DDX19A: variants seen among roughly 807,000 people sequenced by gnomAD.
The protein encoded by DDX19A is DEAD-box helicase 19A, also known as ATP-dependent RNA helicase DDX19A.
DDX19A carries 12 observed loss-of-function variants against 60.6 expected under a neutral mutation model. That is an observed-to-expected ratio of 0.20 (90% CI 0.13 to 0.32). The LOEUF is 0.32. Ranked by LOEUF, DDX19A falls within the 10% of genes least tolerant of loss-of-function variation. The probability of loss-of-function intolerance (pLI) is 1.00; values close to 1 mark genes in which losing one functional copy is unlikely to be tolerated. For missense variants in DDX19A, 337 were observed against 600.6 expected (o/e 0.56, Z 4.59); for synonymous variants, 206 against 218.2 (o/e 0.94, Z 0.49).
rs182095688 is a variant in DDX19A, at chr16:70,371,296, T to C, written c.1184-76T>C. ...CCCTCTATCCCAAAGTTGGTACGCA[T>C]TGACCTACCTATGGATGACAGTGAT... On this transcript the variant is annotated intron_variant, in intron 10 of 11. Transcript: ENST00000302243. The C allele has an allele frequency of 2.5e-3, 4,104 of 1,613,774 alleles. 9 individuals carry two copies. The highest frequency in any genetic ancestry group is 3.1e-3 in the Non-Finnish European group (3,626 of 1,179,734).
chr16:70,348,528 G>C (rs1401405464), intron 1 of DDX19A, among the ~76,000 whole-genome samples: 1 of 151,396 alleles, frequency 6.6e-6, no homozygotes, highest in African/African-American at 2.4e-5. Flanking sequence ...TCAGGAGGCT[G>C]AGGCATGAGA....
Position 70,364,637 on chromosome 16 carries a change from T to C in DDX19A, c.481T>C (p.Tyr161His). Residue 161 changes from tyrosine (Y) to histidine (H), a missense_variant, in exon 6 of 12, where the codon TAC (tyrosine) becomes CAC (histidine). Transcript: ENST00000302243. The stretch of plus-strand genomic sequence containing the variant: ...CAGCCGAGTGGAGCCATCAGACAGA[T>C]ACCCCCAGGTGAGGGCTTGCGGGGC... ...MLSRVEPSDR[Y>H]PQCLCLSPTY... The C allele has an allele frequency of 6.2e-7, 1 of 1,613,968 alleles. No individual in the cohort carries two copies. Among genetic ancestry groups the C allele is most frequent in the Non-Finnish European group, 8.5e-7 (1 of 1,179,846 alleles).
At chr16:70,353,351 G>A (rs890938460) in intron 2 of DDX19A, among the ~76,000 whole-genome samples, 2 of 151,618 alleles carry the variant, frequency 1.3e-5, no homozygotes, top group Non-Finnish European at 2.9e-5. Context: ...CTGAGCTCAG[G>A]CAATCCGCTC....
chr16:70,361,384 T>C, intron 4 of DDX19A, 34 bp from the exon 5 acceptor site: 1 of 1,479,996 alleles, frequency 6.8e-7, no homozygotes. Flanking sequence ...TTCTAACTTC[T>C]AGGCATCCAT....
intron 10 of DDX19A, chr16:70,371,110 G>T: frequency 1.6e-6 from 1 of 609,372 alleles, no homozygotes; most frequent in Non-Finnish European, 2.9e-6. Flanking sequence ...ACTCTTCCAG[G>T]GGCGCCCATC....
chr16:70,364,512 T>C, intron 5 of DDX19A, 31 bp from the exon 6 acceptor site: 1 of 1,525,968 alleles, frequency 6.6e-7, no homozygotes, highest in Non-Finnish European at 9.1e-7. Context: ...TTCACCAATT[T>C]AAGTTTCATT....
At chr16:70,353,307 G>T (rs1459803512) in intron 2 of DDX19A, among the ~76,000 whole-genome samples, 1 of 151,856 alleles carries the variant, frequency 6.6e-6, no homozygotes, top group Non-Finnish European at 1.5e-5. Flanking sequence ...TAGAGACAGG[G>T]TTTCACCGTA....
intron 2 of DDX19A, among the ~76,000 whole-genome samples, chr16:70,351,377 T>C (rs1327601063): frequency 2.0e-5 from 3 of 151,428 alleles, no homozygotes; most frequent in Non-Finnish European, 4.4e-5. Flanking sequence ...GGCTAATTTT[T>C]TATATTTTTA....
chr16:70,371,709 G>A (rs1964693629), intron 11 of DDX19A, 146 bp downstream of exon 11: 5 of 1,181,128 alleles, frequency 4.2e-6, no homozygotes, highest in Non-Finnish European at 5.9e-6. Flanking sequence ...TTCTCAGGGA[G>A]CACACCTGGA....
intron 4 of DDX19A, among the ~76,000 whole-genome samples, chr16:70,358,956 TGTG>T (rs1320959724): frequency 6.6e-6 from 1 of 152,230 alleles, no homozygotes; most frequent in Non-Finnish European, 1.5e-5. Context: ...CAGCTAGACA[TGTG>T]GTATGATTTC....
intron 2 of DDX19A, among the ~76,000 whole-genome samples, chr16:70,353,091 G>C (rs1176976109): frequency 1.3e-5 from 2 of 151,688 alleles, no homozygotes; most frequent in Admixed American, 6.6e-5. Context: ...GGATTTGCTA[G>C]GTCAAAGGTA....
In DDX19A at chr16:70,356,258, G is replaced by A. The variant is rs766456844; in HGVS notation, c.293+11G>A. ...TGAAGAGCTTCGGCTGTGAGTATTC[G>A]CTCCTTTCAACAGCTCTTCGTTGCC... On this transcript the variant is annotated intron_variant, in intron 4 of 11. Coordinates refer to ENST00000302243, the MANE Select transcript of DDX19A (RefSeq NM_018332.5). 14 of 1,613,940 alleles carry A rather than the reference G, an allele frequency of 8.7e-6. 1 individual carries two copies. The highest frequency in any genetic ancestry group is 6.6e-5 in the South Asian group (6 of 91,084).
intron 2 of DDX19A, among the ~76,000 whole-genome samples, chr16:70,353,828 G>T (rs1426996471): frequency 1.3e-5 from 2 of 151,654 alleles, no homozygotes; most frequent in African/African-American, 4.8e-5. Flanking sequence ...TTGAACCTGG[G>T]GGGCAAAGGT....
chr16:70,347,139 C>T lies in DDX19A; in HGVS notation c.57+91C>T, dbSNP rs538341536. 155 of 1,284,240 alleles carry T rather than the reference C, an allele frequency of 1.2e-4. 3 individuals carry two copies. In the South Asian group the frequency reaches 1.9e-3, roughly 16 times the overall value. The allele number at this position is 1,284,240 out of a possible 1,614,324, so 79.6% of individuals were successfully genotyped here. On this transcript the variant is annotated intron_variant, in intron 1 of 11. Coordinates refer to ENST00000302243, the MANE Select transcript of DDX19A (RefSeq NM_018332.5). Reference sequence around the variant, plus strand: ...AGGGAGCTCCCCGGGTTGGGGAGGCCCCTGGGCAACGCGCTCCTGCAGTTT... The same window carrying T: ...AGGGAGCTCCCCGGGTTGGGGAGGCTCCTGGGCAACGCGCTCCTGCAGTTT...
chr16:70,363,518 GT>G, intron 5 of DDX19A: 1 of 151,986 alleles, frequency 6.6e-6, no homozygotes, highest in East Asian at 1.9e-4. Flanking sequence ...TGTATTTTTA[GT>G]AGAGATGGGG....
At chr16:70,371,263 A>T in intron 10 of DDX19A, 109 bp from the exon 11 acceptor site, 1 of 1,599,646 alleles carries the variant, frequency 6.3e-7, no homozygotes, top group Non-Finnish European at 8.5e-7. Flanking sequence ...GCCTGTCCCA[A>T]ATTCTTTCCC....
intron 9 of DDX19A, among the ~76,000 whole-genome samples, chr16:70,369,173 GTTTTTTTTTTTTTTT>G (rs560443179): frequency 4.2e-5 from 4 of 96,334 alleles, no homozygotes; most frequent in Non-Finnish European, 7.9e-5. Flanking sequence ...GGCCAATCTG[GTTTTTTTTTTTTTTT>G]TTTTTTTTTT....
chr16:70,368,004 C>T (rs1964569565), intron 9 of DDX19A, among the ~76,000 whole-genome samples: 1 of 152,034 alleles, frequency 6.6e-6, no homozygotes, highest in Admixed American at 6.6e-5. Flanking sequence ...CGGGAGACCC[C>T]ATTTCTAAAA....
Position 70,370,472 on chromosome 16 carries a change from C to T in DDX19A, c.1183+87C>T, listed in dbSNP as rs182422174. ...CAGAAATCCTTGTATACAGGGAAGT[C>T]GGATGGTCTCAGGGAGATGGGTGGG... On this transcript the variant is annotated intron_variant, in intron 10 of 11. Coordinates refer to ENST00000302243, the MANE Select transcript of DDX19A (RefSeq NM_018332.5). 654 of 1,534,018 alleles carry T rather than the reference C, an allele frequency of 4.3e-4. 1 individual carries two copies. The highest frequency in any genetic ancestry group is 6.0e-4 in the South Asian group (48 of 79,410).
Sources: gnomAD v4.1 joint callset for allele counts (sites outside exome capture counted in the v4.1 genomes callset) on GRCh38, gnomAD v4.1.1 for gene constraint, MANE v1.5 for transcripts, NCBI Gene and HGNC (gene_info 2026-07-23, HGNC 2026-07-21) for gene names.